The following CNTN5 variants were observed in gnomAD, a reference collection of about 807,000 sequenced individuals.
CNTN5 encodes the protein contactin 5.
A neutral mutation model predicts 129.1 loss-of-function variants in CNTN5; 77 were observed. The observed-to-expected ratio is 0.60, with a 90% CI of 0.50 to 0.72. CNTN5 has a LOEUF of 0.72. CNTN5 is among the 30% of genes least tolerant of loss of function. The probability of loss-of-function intolerance (pLI) is 0.00; values close to 1 mark genes in which losing one functional copy is unlikely to be tolerated. For missense variants in CNTN5, 1,478 were observed against 1,328.8 expected, an observed-to-expected ratio of 1.11 and a Z score of -1.75; for synonymous variants, 509 against 465.6, an observed-to-expected ratio of 1.09 and a Z score of -1.20.
chr11:99,320,529 A>G (rs1210375681), intron 1 of CNTN5, among the ~76,000 whole-genome samples: 1 of 152,202 alleles, frequency 6.6e-6, no homozygotes, highest in East Asian at 1.9e-4. Flanking sequence ...GTGTTTAGGA[A>G]TTAAAGAAAG....
At chr11:99,449,156 T>TA (rs1324998277) in intron 2 of CNTN5, among the ~76,000 whole-genome samples, 1 of 152,104 alleles carries the variant, frequency 6.6e-6, no homozygotes, top group Non-Finnish European at 1.5e-5. Flanking sequence ...GAAAGAGGAA[T>TA]AAAAAACTAC....
chr11:100,232,316 T>C (rs563785822), intron 16 of CNTN5, among the ~76,000 whole-genome samples: 57 of 152,112 alleles, frequency 3.7e-4, no homozygotes, highest in Admixed American at 6.6e-4. Flanking sequence ...CCCAAGTAAA[T>C]ATAAATCATG....
intron 4 of CNTN5, chr11:99,844,561 C>A (rs141220028): frequency 7.8e-6 from 3 of 384,666 alleles, no homozygotes; most frequent in South Asian, 2.1e-5. Flanking sequence ...ATCCTTCAGT[C>A]TGATTTTGAA....
At chr11:99,933,354 A>G (rs1162088439) in intron 7 of CNTN5, among the ~76,000 whole-genome samples, 2 of 152,202 alleles carry the variant, frequency 1.3e-5, no homozygotes, top group Non-Finnish European at 2.9e-5. Flanking sequence ...TTATTGAGGT[A>G]TATTAACATA....
Position 99,227,359 on chromosome 11 carries a change from C to CA in CNTN5, c.-209-97974dup, listed in dbSNP as rs879915550. On this transcript the variant is annotated intron_variant, in intron 1 of 24. Coordinates refer to ENST00000524871, the MANE Select transcript of CNTN5 (RefSeq NM_014361.4). ...TGGGGGACAGAGCGAGAATCTGTCT[C>CA]AAAAAAAAAAAAAGAAAGAAAAATT... Among the ~76,000 whole-genome samples, 353 of 114,022 alleles carry CA rather than the reference C, an allele frequency of 3.1e-3. 2 individuals are homozygous for CA. Among genetic ancestry groups the CA allele is most frequent in the East Asian group, 8.1e-3 (32 of 3,946 alleles). 74.8% of individuals were successfully genotyped at this position (114,022 alleles called of 152,430 possible). A position where few individuals can be genotyped will look rare whatever the true frequency, so the allele number is the denominator to read the frequency against.
rs891510304 is a variant in CNTN5, at chr11:99,762,440, G to T, written c.56-57104G>T. On this transcript the variant is annotated intron_variant, in intron 3 of 24. Transcript: ENST00000524871. ...TTTAATCCATCTTGAATTGATTTTT[G>T]TATAAGGTGTAAGGAAGGGATCCAG... Among the ~76,000 whole-genome samples, 10 of 151,842 alleles carry T rather than the reference G, an allele frequency of 6.6e-5. No homozygotes were observed. In the East Asian group the frequency reaches 1.4e-3, roughly 21 times the overall value.
At chr11:99,876,992 C>G (rs72991370) in intron 6 of CNTN5, among the ~76,000 whole-genome samples, 8,457 of 151,928 alleles carry the variant, frequency 0.056, 259 homozygotes, top group Middle Eastern at 0.071. Context: ...AGTGAGTTAT[C>G]TATGTAAATT....
chr11:100,355,920 AAT>A (rs1458025741), intron 24 of CNTN5, among the ~76,000 whole-genome samples, 195 bp from the exon 25 acceptor site: 2 of 151,716 alleles, frequency 1.3e-5, no homozygotes, highest in African/African-American at 4.8e-5. Context: ...TTTTCAATAC[AAT>A]ATCTCATATA....
rs550108445 is a variant in CNTN5, at chr11:99,521,085, T to A, written c.-70-35060T>A. Among the ~76,000 whole-genome samples, 16 of 152,290 alleles carry A rather than the reference T, an allele frequency of 1.1e-4. No homozygotes were observed. In the South Asian group the frequency reaches 3.3e-3, roughly 32 times the overall value. On this transcript the variant is annotated intron_variant, in intron 2 of 24. Transcript: ENST00000524871. ...CAGAACCAAAACCCAAGCCTTCCAT[T>A]TTAAGTCCAGTAAGCTTTCCACTAT...
chr11:100,144,446 C>A (rs1174097870), intron 13 of CNTN5, among the ~76,000 whole-genome samples: 1 of 152,044 alleles, frequency 6.6e-6, no homozygotes, highest in Non-Finnish European at 1.5e-5. Context: ...CACTCTTTTG[C>A]TCCCACCTAC....
intron 3 of CNTN5, among the ~76,000 whole-genome samples, chr11:99,591,491 C>G (rs1431055437): frequency 6.6e-6 from 1 of 151,926 alleles, no homozygotes; most frequent in Non-Finnish European, 1.5e-5. Flanking sequence ...GCGCGTGCCA[C>G]CATGCCCGGC....
At position 99,708,075 on chromosome 11, in the gene CNTN5, G is replaced by A. The variant is rs532199141; in HGVS notation, c.56-111469G>A. On this transcript the variant is annotated intron_variant, in intron 3 of 24. Coordinates refer to ENST00000524871, the MANE Select transcript of CNTN5 (RefSeq NM_014361.4). ...AAAAAGTTGAAATATGGACATGAGC[G>A]ACCTTCAGAGGTCAAACCTTAAAAG... Among the ~76,000 whole-genome samples the A allele has an allele frequency of 3.3e-3, 504 of 151,644 alleles. 4 individuals are homozygous for A. The highest frequency in any genetic ancestry group is 5.0e-3 in the Non-Finnish European group (336 of 67,720).
intron 15 of CNTN5, among the ~76,000 whole-genome samples, chr11:100,220,347 G>A (rs2138616113): frequency 6.6e-6 from 1 of 151,708 alleles, no homozygotes; most frequent in East Asian, 1.9e-4. Flanking sequence ...TTAACTCCAA[G>A]TTTTTACGTC....
At chr11:99,880,755 G>T (rs12223708) in intron 6 of CNTN5, among the ~76,000 whole-genome samples, 2 of 152,088 alleles carry the variant, frequency 1.3e-5, no homozygotes, top group East Asian at 3.9e-4. Flanking sequence ...AGAATTTCAA[G>T]GATATTATTA....
At chr11:99,101,141 C>T (rs1866714427) in intron 1 of CNTN5, among the ~76,000 whole-genome samples, 1 of 152,100 alleles carries the variant, frequency 6.6e-6, no homozygotes, top group Admixed American at 6.6e-5. Flanking sequence ...GGAGTTTCCC[C>T]TTATAAAACT....
intron 3 of CNTN5, among the ~76,000 whole-genome samples, chr11:99,734,135 T>C (rs1327654095): frequency 1.3e-5 from 2 of 152,202 alleles, no homozygotes; most frequent in African/African-American, 4.8e-5. Flanking sequence ...TATACATTTA[T>C]GGGGTACGTG....
intron 23 of CNTN5, among the ~76,000 whole-genome samples, chr11:100,349,961 C>T (rs968765506): frequency 6.6e-6 from 1 of 151,774 alleles, no homozygotes; most frequent in Non-Finnish European, 1.5e-5. Context: ...CAGGATTATC[C>T]TGTGTCCTGA....
In CNTN5 at chr11:100,061,202, C is replaced by T; in HGVS notation, c.981-10C>T. 1 of 1,595,896 alleles carries T rather than the reference C, an allele frequency of 6.3e-7. No individual in the cohort carries two copies. The highest frequency in any genetic ancestry group is 2.3e-5 in the East Asian group (1 of 44,428). Reference sequence around the variant, plus strand: ...GAGTGTATTAACAGTATTTTTGTTCCCTATCGTAGCCCCGTTCCAACAATC... The same window carrying T: ...GAGTGTATTAACAGTATTTTTGTTCTCTATCGTAGCCCCGTTCCAACAATC... On this transcript the variant is annotated splice_polypyrimidine_tract_variant and intron_variant, in intron 9 of 24. Transcript: ENST00000524871.
At chr11:99,181,866 G>T (rs551867594) in intron 1 of CNTN5, among the ~76,000 whole-genome samples, 1 of 152,186 alleles carries the variant, frequency 6.6e-6, no homozygotes, top group East Asian at 1.9e-4. Flanking sequence ...TTCCTTGGGG[G>T]TTAATTGTTG....
Sources: gnomAD v4.1 joint callset for allele counts (sites outside exome capture counted in the v4.1 genomes callset) on GRCh38, gnomAD v4.1.1 for gene constraint, MANE v1.5 for transcripts, NCBI Gene and HGNC (gene_info 2026-07-23, HGNC 2026-07-21) for gene names.